BAIAP2L2: variants seen among roughly 807,000 people sequenced by gnomAD.
BAIAP2L2 encodes the protein BAR/IMD domain-containing adapter protein 2-like 2.
A neutral mutation model predicts 60.4 loss-of-function variants in BAIAP2L2; 65 were observed. The observed-to-expected ratio is 1.08, with a 90% confidence interval of 0.88 to 1.32. BAIAP2L2 has a LOEUF of 1.32. BAIAP2L2 is among the 40% of genes most tolerant of loss of function. BAIAP2L2 has a pLI of 0.00. For synonymous variants in BAIAP2L2, 344 were observed against 301.7 expected, an observed-to-expected ratio of 1.14 and a Z score of -1.45; for missense variants, 836 against 741.2, an observed-to-expected ratio of 1.13 and a Z score of -1.48.
At position 38,098,147 on chromosome 22, in the gene BAIAP2L2, G is replaced by A; in HGVS notation, c.381C>T (p.Arg127=). ...DSRQHYELEY[R]HRAANLEKCM... is the part of the protein sequence containing the mutation. ...ACTTCTCCAGGTTGGCCGCTCGGTG[G>A]CGGTACTCGAGCTCATAGTGCTGGC... is the stretch of plus-strand genomic sequence containing the variant. The change falls in exon 6 of 14, where the codon CGC becomes CGT. Residue 127 remains arginine, a synonymous_variant. Coordinates refer to ENST00000381669, the MANE Select transcript of BAIAP2L2 (RefSeq NM_025045.6). 1.2e-6 allele frequency: 2 copies of A among 1,614,146 alleles called. No individual in the cohort carries two copies. The highest frequency in any genetic ancestry group is 1.7e-6 in the Non-Finnish European group (2 of 1,180,044).
chr22:38,086,435 C>A lies in BAIAP2L2; in HGVS notation c.1274G>T (p.Arg425Leu). 1 of 1,509,672 alleles carries A rather than the reference C, an allele frequency of 6.6e-7. No individual in the cohort carries two copies. The highest frequency in any genetic ancestry group is 1.3e-5 in the South Asian group (1 of 77,336). The allele number at this position is 1,509,672 out of a possible 1,614,324, so 93.5% of individuals were successfully genotyped here. Residue 425 changes from arginine (R) to leucine (L), a missense_variant, in exon 12 of 14, where the codon CGG becomes CTG. Coordinates refer to ENST00000381669, the MANE Select transcript of BAIAP2L2 (RefSeq NM_025045.6). ...GAGGTCATCGAGGCTGTGGCTGCCCCGGAGTGGGTAGGACCTAAGTCCAGA... is the reference window on the plus strand; with the variant it reads ...GAGGTCATCGAGGCTGTGGCTGCCCAGGAGTGGGTAGGACCTAAGTCCAGA... ...NELPSRSYPL[R>L]GSHSLDDLLD...
intron 7 of BAIAP2L2, among the ~76,000 whole-genome samples, chr22:38,092,199 T>TAA (rs1277245819): frequency 1.3e-5 from 2 of 152,270 alleles, no homozygotes; most frequent in African/African-American, 4.8e-5. Context: ...AAGCAAAGAC[T>TAA]AATTAGCGAA....
intron 2 of BAIAP2L2, 98 bp from the exon 3 acceptor site, chr22:38,108,439 G>A: frequency 1.1e-6 from 1 of 949,498 alleles, no homozygotes; most frequent in Non-Finnish European, 1.6e-6. Flanking sequence ...GTCCTGGGTG[G>A]GGTGTGGGCA....
At chr22:38,085,544 TCA>T in intron 13 of BAIAP2L2, 140 bp downstream of exon 13, 1 of 1,276,652 alleles carries the variant, frequency 7.8e-7, no homozygotes, top group Non-Finnish European at 1.1e-6. Context: ...AGATAGGGTC[TCA>T]CAGTGTTGCT....
chr22:38,107,206 G>C (rs2086682139), intron 4 of BAIAP2L2, among the ~76,000 whole-genome samples: 1 of 152,150 alleles, frequency 6.6e-6, no homozygotes, highest in South Asian at 2.1e-4. Context: ...TCCAGGGGGA[G>C]GGGTGACTGG....
At chr22:38,106,972 T>C (rs1370887461) in intron 4 of BAIAP2L2, among the ~76,000 whole-genome samples, 1 of 152,154 alleles carries the variant, frequency 6.6e-6, no homozygotes, top group Non-Finnish European at 1.5e-5. Context: ...CTGGTTATCA[T>C]AGCTAAGGTA....
At chr22:38,094,722 C>T (rs757340944) in intron 7 of BAIAP2L2, among the ~76,000 whole-genome samples, 2 of 152,092 alleles carry the variant, frequency 1.3e-5, no homozygotes, top group African/African-American at 2.4e-5. Context: ...CCGGGTGAGG[C>T]GGTGACAGTG....
chr22:38,106,237 C>G (rs868080837), intron 4 of BAIAP2L2, among the ~76,000 whole-genome samples: 1 of 151,938 alleles, frequency 6.6e-6, no homozygotes. Context: ...ATTGTTCCCC[C>G]GCCAGGCGCG....
chr22:38,088,719 C>CTGGGCTG, intron 10 of BAIAP2L2, 29 bp downstream of exon 10: 1 of 1,251,878 alleles, frequency 8.0e-7, no homozygotes, highest in Non-Finnish European at 1.1e-6. Context: ...TCTCAACCCA[C>CTGGGCTG]CCCCGGCCCC....
chr22:38,100,519 T>A (rs2086543483), intron 4 of BAIAP2L2, among the ~76,000 whole-genome samples: 1 of 136,416 alleles, frequency 7.3e-6, no homozygotes, highest in Non-Finnish European at 1.5e-5. Flanking sequence ...AGAGTGGAAC[T>A]CCGTCTCAAT....
intron 4 of BAIAP2L2, among the ~76,000 whole-genome samples, chr22:38,101,369 C>CAAA: frequency 2.4e-5 from 1 of 41,430 alleles, no homozygotes; most frequent in South Asian, 6.5e-4. Context: ...GCTGTCTCTA[C>CAAA]ATAAAAAAAA....
intron 6 of BAIAP2L2, 39 bp downstream of exon 6, chr22:38,098,024 C>CCCCCCTCCT: frequency 1.0e-6 from 1 of 970,806 alleles, no homozygotes; most frequent in Admixed American, 1.8e-5. Flanking sequence ...TCTGCCCACC[C>CCCCCCTCCT]GCCCTTCCTG....
intron 4 of BAIAP2L2, among the ~76,000 whole-genome samples, 190 bp from the exon 5 acceptor site, chr22:38,098,672 A>G (rs1425335667): frequency 6.6e-6 from 1 of 152,216 alleles, no homozygotes; most frequent in Non-Finnish European, 1.5e-5. Context: ...TTAAACATTC[A>G]CAATGTTTAG....
At chr22:38,096,546 T>G (rs1471030175) in intron 7 of BAIAP2L2, among the ~76,000 whole-genome samples, 1 of 152,130 alleles carries the variant, frequency 6.6e-6, no homozygotes, top group African/African-American at 2.4e-5. Context: ...TCCCAGCTAC[T>G]CGGGAGGCTG....
chr22:38,109,498 C>T (rs2086746768), intron 1 of BAIAP2L2, among the ~76,000 whole-genome samples: 1 of 152,180 alleles, frequency 6.6e-6, no homozygotes. Context: ...CGAGATGGTG[C>T]ACCTGGAAGG....
chr22:38,097,974 G>T (rs2086478149), intron 6 of BAIAP2L2, 89 bp downstream of exon 6: 1 of 1,225,256 alleles, frequency 8.2e-7, no homozygotes, highest in Non-Finnish European at 1.2e-6. Flanking sequence ...GGAGCTCAGG[G>T]AGGCGTTCGG....
chr22:38,105,465 G>C lies in BAIAP2L2; in HGVS notation c.276+2387C>G, dbSNP rs374079939. Reference sequence around the variant, plus strand: ...AGCGATTCTCCTGCCTCAGCCTCCCGAGTAGCTGGGATTACAGGCGCCCGC... The same window carrying C: ...AGCGATTCTCCTGCCTCAGCCTCCCCAGTAGCTGGGATTACAGGCGCCCGC... On this transcript the variant is annotated intron_variant, in intron 4 of 13. Transcript: ENST00000381669. Among the ~76,000 whole-genome samples, 35 of 149,804 alleles carry C rather than the reference G, an allele frequency of 2.3e-4. 1 individual carries two copies. In the South Asian group the frequency reaches 7.4e-3, roughly 32 times the overall value.
intron 6 of BAIAP2L2, 32 bp downstream of exon 6, chr22:38,098,031 C>CGA: frequency 5.4e-6 from 5 of 919,586 alleles, no homozygotes; most frequent in Non-Finnish European, 8.5e-6. Context: ...ACCCGCCCTT[C>CGA]CTGGCCCACC....
Position 38,086,468 on chromosome 22 carries a change from G to C in BAIAP2L2, c.1260-19C>G, listed in dbSNP as rs911461357. The C allele has an allele frequency of 6.8e-7, 1 of 1,478,532 alleles. No individual in the cohort carries two copies. The highest frequency in any genetic ancestry group is 1.4e-5 in the African/African-American group (1 of 71,154). 91.6% of individuals were successfully genotyped at this position (1,478,532 alleles called of 1,614,324 possible). A position where few individuals can be genotyped will look rare whatever the true frequency, so the allele number is the denominator to read the frequency against. On this transcript the variant is annotated intron_variant, in intron 11 of 13. Coordinates refer to ENST00000381669, the MANE Select transcript of BAIAP2L2 (RefSeq NM_025045.6). ...GTAGGACCTAAGTCCAGAGAAAGGA[G>C]GGGGAAGGAAAGGGGTTGGGGCCTG...
Sources: allele counts gnomAD v4.1 joint callset (sites outside exome capture counted in the v4.1 genomes callset), GRCh38; gene constraint gnomAD v4.1.1; transcripts MANE v1.5; gene names NCBI Gene and HGNC (gene_info 2026-07-23, HGNC 2026-07-21).